Variants in CC2D2A observed in about 807,000 individuals in gnomAD.
CC2D2A encodes the protein coiled-coil and C2 domain containing 2A, also known as coiled-coil and C2 domain-containing protein 2A.
In CC2D2A, 155 loss-of-function variants were observed where a neutral mutation model predicts 212.9. The observed-to-expected ratio is 0.73, with a 90% CI of 0.64 to 0.83. The LOEUF (loss-of-function observed/expected upper bound fraction) is 0.83. Among genes scored for constraint, CC2D2A ranks in the 40% least tolerant of loss-of-function variants. The pLI is 0.00. For missense variants in CC2D2A, 1,856 were observed against 1,956.2 expected (o/e 0.95, Z 0.97); for synonymous variants, 667 against 686.5 (o/e 0.97, Z 0.44).
rs773101279 is a variant in CC2D2A at position 15,559,290 on chromosome 4, G to A, written c.2922+33G>A. On this transcript the variant is annotated intron_variant, in intron 22 of 36. Transcript: ENST00000424120. ...AAATCATATAAAACTGTCTTCATAG[G>A]GAGAAAAGAGCCAGCACCCTAAGGT... 8.7e-6 allele frequency: 12 copies of A among 1,377,190 alleles called. No individual in the cohort carries two copies. The South Asian group carries it at 1.5e-4, about 18-fold the overall frequency. 85.3% of individuals were successfully genotyped at this position (1,377,190 alleles called of 1,614,324 possible). A position where few individuals can be genotyped will look rare whatever the true frequency, so the allele number is the denominator to read the frequency against.
chr4:15,479,214 T>C, intron 3 of CC2D2A: 1 of 1,535,610 alleles, frequency 6.5e-7, no homozygotes, highest in Non-Finnish European at 8.7e-7. Context: ...AATTCTGTCT[T>C]TGAGGCAGAA....
intron 11 of CC2D2A, among the ~76,000 whole-genome samples, chr4:15,522,026 C>T (rs1476465834): frequency 2.6e-5 from 4 of 152,084 alleles, no homozygotes; most frequent in Non-Finnish European, 5.9e-5. Context: ...TAGTGAGACC[C>T]CCCTACCTCT....
At position 15,601,217 on chromosome 4, in the gene CC2D2A, C is replaced by T; in HGVS notation, c.4675-20C>T. ...AATCTTCAAACTTCACTAATGACTA[C>T]AAATGTTTTTTCCCTTCAGTTCTCT... is the stretch of plus-strand genomic sequence containing the variant. On this transcript the variant is annotated intron_variant, in intron 36 of 36. Transcript: ENST00000424120. 2 of 1,596,484 alleles carry T rather than the reference C, an allele frequency of 1.3e-6. No individual in the cohort carries two copies. The highest frequency in any genetic ancestry group is 1.7e-6 in the Non-Finnish European group (2 of 1,166,916).
At chr4:15,554,693 G>C (rs553513595) in intron 19 of CC2D2A, among the ~76,000 whole-genome samples, 28 of 152,174 alleles carry the variant, frequency 1.8e-4, no homozygotes, top group African/African-American at 6.3e-4. Flanking sequence ...AGTTGGTTTT[G>C]TTTCTTTTTC....
At chr4:15,590,831 C>T (rs1000737822) in intron 33 of CC2D2A, among the ~76,000 whole-genome samples, 12 of 152,250 alleles carry the variant, frequency 7.9e-5, no homozygotes, top group Admixed American at 3.3e-4. Flanking sequence ...CCACATCCTG[C>T]GTTCATGCGA....
intron 30 of CC2D2A, among the ~76,000 whole-genome samples, chr4:15,582,020 C>A (rs756796112): frequency 7.9e-5 from 12 of 152,016 alleles, no homozygotes; most frequent in Non-Finnish European, 1.5e-4. Context: ...TAACTCCAGA[C>A]AGGAGAATTA....
chr4:15,499,732 A>T (rs572163182), intron 4 of CC2D2A, among the ~76,000 whole-genome samples: 22 of 152,240 alleles, frequency 1.4e-4, no homozygotes, highest in Non-Finnish European at 2.2e-4. Context: ...ATTAGTTTTG[A>T]AAAAGGCTTC....
chr4:15,553,285 G>T lies in CC2D2A; in HGVS notation c.2466G>T (p.Gln822His). ...NGIPLIPPLS[Q>H]QNIGFRSALK... ...TACCTTTAATTCCTCCATTGTCACA[G>T]CAGAACATCGGATTTCGGAGGTAAT... is the stretch of plus-strand genomic sequence containing the variant. The change falls in exon 19 of 37, where the codon CAG (glutamine) becomes CAT (histidine). Residue 822 changes from glutamine to histidine, a missense_variant. This residue lies in a region of CC2D2A where 1,512 missense variants were observed against 1,579.3 expected (regional missense o/e 0.96). Coordinates refer to ENST00000424120, the MANE Select transcript of CC2D2A (RefSeq NM_001378615.1). The T allele has an allele frequency of 1.9e-6, 3 of 1,612,870 alleles. No individual in the cohort carries two copies. Among genetic ancestry groups the T allele is most frequent in the Non-Finnish European group, 2.5e-6 (3 of 1,179,464 alleles).
intron 17 of CC2D2A, among the ~76,000 whole-genome samples, chr4:15,550,522 C>A (rs1206778530): frequency 6.6e-6 from 1 of 152,174 alleles, no homozygotes; most frequent in East Asian, 1.9e-4. Flanking sequence ...GCCCATTCTC[C>A]TAGCAAGCCA....
chr4:15,510,003 C>G (rs761087913), intron 6 of CC2D2A, 136 bp from the exon 7 acceptor site: 3 of 678,556 alleles, frequency 4.4e-6, no homozygotes, highest in Non-Finnish European at 7.6e-6. Context: ...TGCCAGCATT[C>G]CATGCCTTAG....
chr4:15,575,479 C>T (rs879569537), intron 29 of CC2D2A, among the ~76,000 whole-genome samples: 4 of 152,116 alleles, frequency 2.6e-5, no homozygotes, highest in South Asian at 2.1e-4. Context: ...CACATGTAAG[C>T]GTAAGTTGTT....
chr4:15,599,116 G>T (rs1354457115), intron 35 of CC2D2A, among the ~76,000 whole-genome samples: 1 of 151,908 alleles, frequency 6.6e-6, no homozygotes, highest in Admixed American at 6.6e-5. Flanking sequence ...AGCTGTGATT[G>T]TACCACTTCA....
chr4:15,477,075 G>C (rs1295072524), intron 2 of CC2D2A, among the ~76,000 whole-genome samples: 1 of 152,194 alleles, frequency 6.6e-6, no homozygotes, highest in Non-Finnish European at 1.5e-5. Flanking sequence ...GGCCGAGGCA[G>C]GTGGATCACC....
intron 4 of CC2D2A, chr4:15,492,758 C>T (rs1715381094): frequency 3.7e-6 from 3 of 808,386 alleles, no homozygotes; most frequent in Non-Finnish European, 6.2e-6. Flanking sequence ...ATGAGGTCCA[C>T]CACTCTATTG....
In CC2D2A at chr4:15,587,848, A is replaced by C. The variant is rs557038070; in HGVS notation, c.4098A>C (p.Glu1366Asp). ...QFLDLLAGDE[E>D]EHAVLLCNYF... ...TTGATCTCCTGGCAGGGGATGAAGA[A>C]GAACATGCAGTACTATTGTGTAATT... Residue 1366 changes from glutamate to aspartate, a missense_variant, in exon 32 of 37, where the codon GAA becomes GAC. Around this residue, in one of 5 missense-constraint regions of CC2D2A, gnomAD observed 36 missense variants for 35.5 expected, o/e 1.02. Coordinates refer to ENST00000424120, the MANE Select transcript of CC2D2A (RefSeq NM_001378615.1). 8.4e-5 allele frequency: 135 copies of C among 1,613,392 alleles called. No individual in the cohort carries two copies. In the South Asian group the frequency reaches 1.4e-3, roughly 17 times the overall value.
intron 19 of CC2D2A, among the ~76,000 whole-genome samples, chr4:15,554,323 T>C (rs1278579970): frequency 2.0e-5 from 3 of 152,232 alleles, no homozygotes; most frequent in Non-Finnish European, 4.4e-5. Context: ...TGCTGACTAC[T>C]GTGGCTTCCT....
Position 15,511,236 on chromosome 4 carries a change from C to G in CC2D2A, c.541-11C>G. On this transcript the variant is annotated splice_polypyrimidine_tract_variant and intron_variant, in intron 7 of 36. Transcript: ENST00000424120. ...AATGGGAAATTGCGATTGCTCCTTG[C>G]TTTTCGTTAGGTTCCACCTGGCTTC... is the stretch of plus-strand genomic sequence containing the variant. 1.3e-6 allele frequency: 2 copies of G among 1,589,708 alleles called. No homozygotes were observed. The highest frequency in any genetic ancestry group is 1.7e-6 in the Non-Finnish European group (2 of 1,169,606).
At chr4:15,549,697 C>T (rs564614402) in intron 17 of CC2D2A, among the ~76,000 whole-genome samples, 20 of 152,144 alleles carry the variant, frequency 1.3e-4, no homozygotes, top group East Asian at 1.9e-4. Flanking sequence ...CAGCTACTTG[C>T]GGGGCTGGGG....
chr4:15,484,823 T>C (rs1714908844), intron 4 of CC2D2A, among the ~76,000 whole-genome samples: 1 of 152,068 alleles, frequency 6.6e-6, no homozygotes, highest in Non-Finnish European at 1.5e-5. Context: ...AATATCCAAG[T>C]GGACATGGAT....
Sources: gnomAD v4.1 joint callset for allele counts (sites outside exome capture counted in the v4.1 genomes callset) on GRCh38, gnomAD v4.1.1 for gene constraint, gnomAD v4.1.1 regional missense constraint, MANE v1.5 for transcripts, NCBI Gene and HGNC (gene_info 2026-07-23, HGNC 2026-07-21) for gene names.